Variants in PDE4B observed in about 807,000 individuals in gnomAD.
PDE4B encodes phosphodiesterase 4B.
A neutral mutation model predicts 82.2 loss-of-function variants in PDE4B; 20 were observed. The observed-to-expected ratio is 0.24, with a 90% CI of 0.17 to 0.35. The LOEUF is 0.35. Among genes scored for constraint, PDE4B ranks in the 10% least tolerant of loss-of-function variants. The probability of loss-of-function intolerance (pLI) is 1.00; values close to 1 mark genes in which losing one functional copy is unlikely to be tolerated. For synonymous variants in PDE4B, 320 were observed against 318.9 expected (o/e 1.00, Z -0.04); for missense variants, 655 against 907.2 (o/e 0.72, Z 3.57).
chr1:65,803,694 T>C (rs915012491), intron 1 of PDE4B, among the ~76,000 whole-genome samples: 40 of 152,170 alleles, frequency 2.6e-4, no homozygotes, highest in Non-Finnish European at 5.6e-4. Flanking sequence ...ATTCCAGTGC[T>C]GGAAATAGAA....
chr1:66,171,153 G>T (rs1428213339), intron 3 of PDE4B, among the ~76,000 whole-genome samples: 1 of 152,034 alleles, frequency 6.6e-6, no homozygotes, highest in African/African-American at 2.4e-5. Context: ...CCACAATTTT[G>T]CCTGCTCACA....
intron 1 of PDE4B, among the ~76,000 whole-genome samples, chr1:65,834,689 A>G (rs1295803871): frequency 2.0e-5 from 3 of 152,196 alleles, no homozygotes; most frequent in South Asian, 4.1e-4. Context: ...AGAGGCTTAT[A>G]TATAGCCACG....
chr1:66,234,815 C>T (rs574148411), intron 3 of PDE4B, among the ~76,000 whole-genome samples: 19 of 151,938 alleles, frequency 1.3e-4, no homozygotes, highest in Non-Finnish European at 2.5e-4. Context: ...TTTTTCCCTT[C>T]TGCTTCCTTT....
chr1:66,011,764 A>G (rs1652500631), intron 3 of PDE4B, among the ~76,000 whole-genome samples: 1 of 152,132 alleles, frequency 6.6e-6, no homozygotes, highest in African/African-American at 2.4e-5. Context: ...GAGGGTGACA[A>G]AATAATGTAA....
intron 3 of PDE4B, among the ~76,000 whole-genome samples, chr1:66,091,460 TAATA>T (rs951181926): frequency 3.3e-5 from 5 of 152,240 alleles, no homozygotes; most frequent in African/African-American, 1.2e-4. Context: ...TTAATGACAC[TAATA>T]AATAATTATG....
chr1:66,291,359 A>C (rs1374358361), intron 7 of PDE4B, among the ~76,000 whole-genome samples: 5 of 152,174 alleles, frequency 3.3e-5, no homozygotes, highest in African/African-American at 1.2e-4. Flanking sequence ...AGGCTCTTTT[A>C]ACAAGTACAG....
chr1:66,218,999 C>T (rs1387416139), intron 3 of PDE4B, among the ~76,000 whole-genome samples: 2 of 152,146 alleles, frequency 1.3e-5, no homozygotes. Flanking sequence ...TATTTGATAG[C>T]ATCAGTGTTC....
In PDE4B at chr1:66,097,718, T is replaced by A. The variant is rs573437164; in HGVS notation, c.282-149742T>A. Among the ~76,000 whole-genome samples, 10 of 152,124 alleles carry A rather than the reference T, an allele frequency of 6.6e-5. No individual in the cohort carries two copies. The East Asian group carries it at 1.4e-3, about 21-fold the overall frequency. On this transcript the variant is annotated intron_variant, in intron 3 of 16. Coordinates refer to ENST00000341517, the MANE Select transcript of PDE4B (RefSeq NM_002600.4). ...AAATGAAACATTTGTAGTACTTTTTTAAAAAGATCCTTGTCTACAAATTCT... is the reference window on the plus strand; with the variant it reads ...AAATGAAACATTTGTAGTACTTTTTAAAAAAGATCCTTGTCTACAAATTCT...
intron 8 of PDE4B, among the ~76,000 whole-genome samples, chr1:66,351,378 C>T (rs527891628): frequency 5.7e-4 from 87 of 152,284 alleles, no homozygotes; most frequent in African/African-American, 2.0e-3. Context: ...TGCCCATTTC[C>T]TTCCAATCCA....
chr1:66,171,154 C>T (rs1646829525), intron 3 of PDE4B, among the ~76,000 whole-genome samples: 1 of 151,998 alleles, frequency 6.6e-6, no homozygotes, highest in Non-Finnish European at 1.5e-5. Flanking sequence ...CACAATTTTG[C>T]CTGCTCACAT....
intron 1 of PDE4B, among the ~76,000 whole-genome samples, chr1:65,830,492 T>C (rs934447853): frequency 1.3e-5 from 2 of 152,208 alleles, no homozygotes; most frequent in African/African-American, 4.8e-5. Context: ...ATGAGTCATG[T>C]TGATAGCAAG....
chr1:66,366,671 G>A (rs1053512999), intron 13 of PDE4B, among the ~76,000 whole-genome samples: 1 of 152,134 alleles, frequency 6.6e-6, no homozygotes, highest in Admixed American at 6.6e-5. Context: ...AAATGTTGGG[G>A]CAGCTACATG....
At chr1:65,820,729 A>G (rs766262502) in intron 1 of PDE4B, among the ~76,000 whole-genome samples, 35 of 152,380 alleles carry the variant, frequency 2.3e-4, no homozygotes, top group Non-Finnish European at 4.0e-4. Context: ...TATGGTATTT[A>G]CATTGACATT....
intron 3 of PDE4B, among the ~76,000 whole-genome samples, chr1:66,093,993 T>C (rs1645071367): frequency 1.3e-5 from 2 of 152,056 alleles, no homozygotes. Context: ...GATATTCCAT[T>C]GAACAAAGTC....
chr1:66,289,637 G>T (rs1244642747), intron 7 of PDE4B, among the ~76,000 whole-genome samples: 1 of 151,770 alleles, frequency 6.6e-6, no homozygotes, highest in Non-Finnish European at 1.5e-5. Flanking sequence ...TGTAGGTGGT[G>T]GTAAGCTATT....
At chr1:65,955,863 C>G (rs1160793731) in intron 3 of PDE4B, among the ~76,000 whole-genome samples, 1 of 151,976 alleles carries the variant, frequency 6.6e-6, no homozygotes, top group East Asian at 1.9e-4. Flanking sequence ...ATTTCTGAGG[C>G]CTAAGAGAGC....
intron 7 of PDE4B, among the ~76,000 whole-genome samples, chr1:66,311,503 T>G (rs1658664688): frequency 6.6e-6 from 1 of 152,228 alleles, no homozygotes; most frequent in Non-Finnish European, 1.5e-5. Context: ...GCCTTTGCTT[T>G]CAATATGTTT....
chr1:66,197,702 C>T (rs1570447183), intron 3 of PDE4B, among the ~76,000 whole-genome samples: 1 of 151,914 alleles, frequency 6.6e-6, no homozygotes, highest in East Asian at 1.9e-4. Flanking sequence ...CATTTCTCCT[C>T]AAAGATGAAA....
intron 3 of PDE4B, among the ~76,000 whole-genome samples, chr1:66,182,004 T>A (rs182946995): frequency 2.6e-5 from 4 of 152,250 alleles, no homozygotes; most frequent in Non-Finnish European, 5.9e-5. Flanking sequence ...GATTTCAATA[T>A]ATTATTATTT....
Sources: allele counts gnomAD v4.1 joint callset (sites outside exome capture counted in the v4.1 genomes callset), GRCh38; gene constraint gnomAD v4.1.1; transcripts MANE v1.5; gene names NCBI Gene and HGNC (gene_info 2026-07-23, HGNC 2026-07-21).